Variants in GALNTL6 observed in about 807,000 individuals in gnomAD.
GALNTL6 encodes polypeptide N-acetylgalactosaminyltransferase like 6.
A neutral mutation model predicts 73.7 loss-of-function variants in GALNTL6; 46 were observed. The ratio of observed to expected loss-of-function variants is 0.62; its 90% CI spans 0.49 to 0.80. The LOEUF is 0.80. Ranked by LOEUF, GALNTL6 falls within the 30% of genes least tolerant of loss-of-function variation. GALNTL6 has a pLI of 0.00. For synonymous variants in GALNTL6, 259 were observed against 263.7 expected (o/e 0.98, Z 0.17); for missense variants, 604 against 755.0 (o/e 0.80, Z 2.34).
chr4:171,838,706 A>G (rs1735166924), intron 2 of GALNTL6, among the ~76,000 whole-genome samples: 1 of 152,172 alleles, frequency 6.6e-6, no homozygotes, highest in Non-Finnish European at 1.5e-5. Flanking sequence ...GGGCTAAGCA[A>G]CAAAGTGCTG....
intron 10 of GALNTL6, among the ~76,000 whole-genome samples, chr4:172,966,672 G>A (rs535097281): frequency 3.2e-4 from 49 of 152,160 alleles, no homozygotes; most frequent in African/African-American, 1.1e-3. Context: ...GATTACAGGC[G>A]TGAGCCACCG....
intron 2 of GALNTL6, among the ~76,000 whole-genome samples, chr4:171,851,592 T>G (rs1735524975): frequency 6.6e-6 from 1 of 152,206 alleles, no homozygotes. Context: ...TTTCTTTCTA[T>G]TAGAAGCTGC....
intron 2 of GALNTL6, among the ~76,000 whole-genome samples, chr4:171,817,210 G>A (rs1734547840): frequency 6.6e-6 from 1 of 151,956 alleles, no homozygotes; most frequent in South Asian, 2.1e-4. Flanking sequence ...ATGCCCAAAT[G>A]AGTGAACTAT....
intron 4 of GALNTL6, among the ~76,000 whole-genome samples, chr4:172,312,064 GT>G (rs34802269): frequency 9.2e-5 from 14 of 152,110 alleles, no homozygotes; most frequent in African/African-American, 3.1e-4. Context: ...CAAAGCAAAT[GT>G]TTTTTGCTGG....
chr4:171,845,813 A>G (rs550262060), intron 2 of GALNTL6, among the ~76,000 whole-genome samples: 1 of 152,314 alleles, frequency 6.6e-6, no homozygotes, highest in South Asian at 2.1e-4. Flanking sequence ...AACCACTAGC[A>G]TTTGAGGTTT....
intron 12 of GALNTL6, 98 bp downstream of exon 12, chr4:173,021,723 G>C: frequency 7.9e-7 from 1 of 1,270,982 alleles, no homozygotes; most frequent in Non-Finnish European, 1.1e-6. Context: ...GCCTGGCGCA[G>C]TCACTCACAC....
chr4:172,301,520 T>G (rs1739920564), intron 3 of GALNTL6, among the ~76,000 whole-genome samples: 1 of 152,184 alleles, frequency 6.6e-6, no homozygotes, highest in Admixed American at 6.5e-5. Context: ...TGGTCTTTGA[T>G]GATGGTGACG....
At chr4:171,937,949 T>C (rs1738402801) in intron 2 of GALNTL6, among the ~76,000 whole-genome samples, 1 of 152,186 alleles carries the variant, frequency 6.6e-6, no homozygotes, top group Non-Finnish European at 1.5e-5. Flanking sequence ...TTGTGGCTAA[T>C]GCTGACAGGT....
chr4:172,358,670 A>G (rs950532863), intron 5 of GALNTL6, among the ~76,000 whole-genome samples: 15 of 152,290 alleles, frequency 9.8e-5, no homozygotes, highest in African/African-American at 3.4e-4. Flanking sequence ...AAGAAAATGC[A>G]AAATTTACCT....
chr4:173,015,298 T>C (rs980798403), intron 11 of GALNTL6, among the ~76,000 whole-genome samples: 7 of 152,182 alleles, frequency 4.6e-5, no homozygotes. Flanking sequence ...CCTGAAAATG[T>C]GGCAGCAACT....
chr4:172,953,878 T>G (rs1348942544), intron 10 of GALNTL6, among the ~76,000 whole-genome samples: 1 of 152,260 alleles, frequency 6.6e-6, no homozygotes, highest in Non-Finnish European at 1.5e-5. Flanking sequence ...AATTTAACTG[T>G]CTACCACAGA....
At chr4:172,133,272 G>C (rs1733549071) in intron 2 of GALNTL6, among the ~76,000 whole-genome samples, 1 of 152,116 alleles carries the variant, frequency 6.6e-6, no homozygotes, top group Non-Finnish European at 1.5e-5. Flanking sequence ...TCATGATCCA[G>C]GAACTATGAA....
chr4:172,763,234 C>A (rs750620788), intron 5 of GALNTL6, among the ~76,000 whole-genome samples: 3 of 151,460 alleles, frequency 2.0e-5, no homozygotes, highest in Non-Finnish European at 4.4e-5. Context: ...AGCAAATGCA[C>A]TGGTAAAATC....
chr4:171,859,110 G>C (rs1735764647), intron 2 of GALNTL6, among the ~76,000 whole-genome samples: 1 of 152,064 alleles, frequency 6.6e-6, no homozygotes, highest in Non-Finnish European at 1.5e-5. Flanking sequence ...AATGTCAAAT[G>C]ATCTTCAACA....
At chr4:172,160,049 T>A (rs921998053) in intron 2 of GALNTL6, among the ~76,000 whole-genome samples, 1 of 151,984 alleles carries the variant, frequency 6.6e-6, no homozygotes, top group Non-Finnish European at 1.5e-5. Flanking sequence ...GAGGGAGAAA[T>A]GATTTACTGG....
intron 8 of GALNTL6, among the ~76,000 whole-genome samples, chr4:172,926,905 A>T (rs2111307471): frequency 6.6e-6 from 1 of 152,346 alleles, no homozygotes; most frequent in Non-Finnish European, 1.5e-5. Context: ...ATATCAGAAG[A>T]GGCTGAGAAA....
intron 2 of GALNTL6, among the ~76,000 whole-genome samples, chr4:172,002,438 T>A (rs1740708000): frequency 6.6e-6 from 1 of 152,192 alleles, no homozygotes; most frequent in South Asian, 2.1e-4. Context: ...TGCCTTGATC[T>A]TGAACTTGCC....
chr4:172,647,480 T>C (rs966168570), intron 5 of GALNTL6, among the ~76,000 whole-genome samples: 2 of 152,078 alleles, frequency 1.3e-5, no homozygotes, highest in African/African-American at 4.8e-5. Context: ...AACCTTTCTC[T>C]ACCCCAGAGT....
chr4:172,439,868 T>C (rs1005277862), intron 5 of GALNTL6, among the ~76,000 whole-genome samples: 4 of 151,794 alleles, frequency 2.6e-5, no homozygotes, highest in Non-Finnish European at 5.9e-5. Flanking sequence ...CCATTATCAA[T>C]GTTTCCCAAC....
Sources: gnomAD v4.1 joint callset for allele counts (sites outside exome capture counted in the v4.1 genomes callset) on GRCh38, gnomAD v4.1.1 for gene constraint, MANE v1.5 for transcripts, NCBI Gene and HGNC (gene_info 2026-07-23, HGNC 2026-07-21) for gene names.